Variants in GMDS observed in about 807,000 individuals in gnomAD.
The protein encoded by GMDS is GDP-mannose 4,6-dehydratase, also known as GDP-mannose 4,6 dehydratase.
GMDS carries 20 observed loss-of-function variants against 49.9 expected under a neutral mutation model. The ratio of observed to expected loss-of-function variants is 0.40; its 90% CI spans 0.28 to 0.58. The LOEUF is 0.58. GMDS is among the 20% of genes least tolerant of loss of function. GMDS has a pLI of 0.42. For missense variants in GMDS, 362 were observed against 481.4 expected (o/e 0.75, Z 2.32); for synonymous variants, 177 against 178.6 (o/e 0.99, Z 0.07).
At chr6:2,171,487 G>A (rs372304) in intron 1 of GMDS, among the ~76,000 whole-genome samples, 6,183 of 152,254 alleles carry the variant, frequency 0.041, 255 homozygotes, top group South Asian at 0.13. Flanking sequence ...ATGATTAGAT[G>A]CAATTAACTG....
chr6:1,765,605 T>G (rs1269415022), intron 7 of GMDS, among the ~76,000 whole-genome samples: 1 of 152,166 alleles, frequency 6.6e-6, no homozygotes, highest in Non-Finnish European at 1.5e-5. Flanking sequence ...TGAGACATGC[T>G]TGGAGGACTG....
chr6:1,865,322 G>A (rs1758393875), intron 7 of GMDS, among the ~76,000 whole-genome samples: 1 of 152,078 alleles, frequency 6.6e-6, no homozygotes, highest in African/African-American at 2.4e-5. Flanking sequence ...ACAACTACTT[G>A]GTGTCAAGTC....
chr6:1,938,870 G>A (rs537049711), intron 6 of GMDS, among the ~76,000 whole-genome samples: 3 of 150,926 alleles, frequency 2.0e-5, no homozygotes, highest in Non-Finnish European at 2.9e-5. Flanking sequence ...GTTAATTTCC[G>A]TATAGCCATC....
At chr6:2,174,631 G>A (rs1177609245) in intron 1 of GMDS, among the ~76,000 whole-genome samples, 1 of 151,900 alleles carries the variant, frequency 6.6e-6, no homozygotes, top group Non-Finnish European at 1.5e-5. Flanking sequence ...GTGGTGGTGC[G>A]ATCTCGGCTC....
intron 9 of GMDS, among the ~76,000 whole-genome samples, chr6:1,663,893 C>A (rs1314315660): frequency 6.6e-6 from 1 of 152,110 alleles, no homozygotes; most frequent in Non-Finnish European, 1.5e-5. Context: ...TCTGTGCCCT[C>A]CTGTATGAAT....
chr6:2,119,636 T>G (rs1185793769), intron 2 of GMDS, among the ~76,000 whole-genome samples: 1 of 152,206 alleles, frequency 6.6e-6, no homozygotes, highest in African/African-American at 2.4e-5. Flanking sequence ...AGAAGGGATG[T>G]AGGTAGAGCT....
At chr6:1,647,719 T>C (rs1281552852) in intron 9 of GMDS, among the ~76,000 whole-genome samples, 1 of 152,126 alleles carries the variant, frequency 6.6e-6, no homozygotes, top group South Asian at 2.1e-4. Context: ...AACGGAATGC[T>C]CTGGAGAGAA....
chr6:1,738,216 C>T (rs1431099482), intron 8 of GMDS, among the ~76,000 whole-genome samples: 1 of 152,072 alleles, frequency 6.6e-6, no homozygotes, highest in African/African-American at 2.4e-5. Flanking sequence ...TACACACACA[C>T]AGATGCTATC....
At chr6:1,958,564 A>G (rs537418764) in intron 6 of GMDS, among the ~76,000 whole-genome samples, 1 of 152,338 alleles carries the variant, frequency 6.6e-6, no homozygotes, top group South Asian at 2.1e-4. Context: ...ATGACAGGCT[A>G]GGTTCTTATG....
intron 1 of GMDS, among the ~76,000 whole-genome samples, chr6:2,180,610 C>G (rs1262006319): frequency 1.3e-5 from 2 of 152,036 alleles, no homozygotes; most frequent in Non-Finnish European, 2.9e-5. Context: ...GTAACTTGTT[C>G]CTCTGTGGAA....
intron 4 of GMDS, among the ~76,000 whole-genome samples, chr6:2,047,841 A>AT (rs1270881905): frequency 6.6e-6 from 1 of 152,136 alleles, no homozygotes; most frequent in Non-Finnish European, 1.5e-5. Flanking sequence ...CATATTAAAT[A>AT]TTTTTTTAAA....
At chr6:1,723,519 CG>C (rs1175100725) in intron 9 of GMDS, among the ~76,000 whole-genome samples, 1 of 151,386 alleles carries the variant, frequency 6.6e-6, no homozygotes, top group Non-Finnish European at 1.5e-5. Flanking sequence ...TTAGTAGAGA[CG>C]GGGTTTCACT....
intron 1 of GMDS, among the ~76,000 whole-genome samples, chr6:2,210,414 A>G (rs1780010341): frequency 6.6e-6 from 1 of 152,212 alleles, no homozygotes; most frequent in Non-Finnish European, 1.5e-5. Flanking sequence ...GGGTTTGTTA[A>G]CTACCAAGTT....
chr6:1,923,207 C>G (rs1022308565), intron 7 of GMDS, among the ~76,000 whole-genome samples: 1 of 152,150 alleles, frequency 6.6e-6, no homozygotes, highest in Non-Finnish European at 1.5e-5. Flanking sequence ...ACTAATACAT[C>G]CACCTTCACC....
chr6:1,740,034 A>C (rs768866291), intron 8 of GMDS, among the ~76,000 whole-genome samples: 4 of 152,242 alleles, frequency 2.6e-5, no homozygotes, highest in Non-Finnish European at 2.9e-5. Context: ...CACTCCTAAT[A>C]ATAAAATGTC....
At chr6:1,824,682 C>G (rs1771036314) in intron 7 of GMDS, among the ~76,000 whole-genome samples, 1 of 152,180 alleles carries the variant, frequency 6.6e-6, no homozygotes, top group African/African-American at 2.4e-5. Flanking sequence ...ACTACTTGAA[C>G]TCTCCACACC....
chr6:1,675,041 G>A (rs571473475), intron 9 of GMDS, among the ~76,000 whole-genome samples: 43 of 151,866 alleles, frequency 2.8e-4, no homozygotes, highest in Middle Eastern at 3.4e-3. Context: ...AGGTTCAAGC[G>A]ATTCTCCTGC....
chr6:2,222,286 C>T (rs778835841), intron 1 of GMDS, among the ~76,000 whole-genome samples: 18 of 152,294 alleles, frequency 1.2e-4, no homozygotes, highest in Non-Finnish European at 1.9e-4. Context: ...TTTCCCTAGG[C>T]GTCTAAAATG....
intron 1 of GMDS, among the ~76,000 whole-genome samples, chr6:2,126,639 TC>T (rs1288908524): frequency 6.6e-6 from 1 of 152,048 alleles, no homozygotes; most frequent in Admixed American, 6.6e-5. Context: ...ATTTTCTTCT[TC>T]TTCTTCTTTT....
Sources: gnomAD v4.1 joint callset for allele counts (sites outside exome capture counted in the v4.1 genomes callset) on GRCh38, gnomAD v4.1.1 for gene constraint, MANE v1.5 for transcripts, NCBI Gene and HGNC (gene_info 2026-07-23, HGNC 2026-07-21) for gene names.